Variants in NCOA1 observed in about 807,000 individuals in gnomAD.
NCOA1 encodes nuclear receptor coactivator 1.
Under a neutral mutation model 150.9 loss-of-function variants are expected in NCOA1, and 35 were observed. That is an observed-to-expected ratio of 0.23 (90% CI 0.18 to 0.31). The LOEUF (loss-of-function observed/expected upper bound fraction) is 0.31, where lower values mean the gene tolerates loss of function less well. NCOA1 is among the 10% of genes least tolerant of loss of function. NCOA1 has a pLI of 1.00. For missense variants in NCOA1, 1,491 were observed against 1,749.3 expected, an observed-to-expected ratio of 0.85 and a Z score of 2.63; for synonymous variants, 590 against 630.0, an observed-to-expected ratio of 0.94 and a Z score of 0.95.
At chr2:24,512,805 G>A (rs187581701) in intron 1 of NCOA1, among the ~76,000 whole-genome samples, 2 of 152,276 alleles carry the variant, frequency 1.3e-5, no homozygotes, top group South Asian at 2.1e-4. Context: ...GTTGTGAAAT[G>A]TGCTTTGCAC....
At chr2:24,673,282 G>C (rs1671762002) in intron 6 of NCOA1, 84 bp from the exon 7 acceptor site, 1 of 848,180 alleles carries the variant, frequency 1.2e-6, no homozygotes, top group Non-Finnish European at 1.8e-6. Context: ...TTTGAAATTT[G>C]GTGGATCTAT....
chr2:24,670,999 TAA>T (rs1671657064), intron 6 of NCOA1, among the ~76,000 whole-genome samples: 1 of 152,212 alleles, frequency 6.6e-6, no homozygotes, highest in South Asian at 2.1e-4. Flanking sequence ...CCTAGTGATA[TAA>T]GTTACGCAGA....
chr2:24,587,988 A>G (rs771169732), intron 3 of NCOA1, among the ~76,000 whole-genome samples: 1 of 152,160 alleles, frequency 6.6e-6, no homozygotes, highest in Non-Finnish European at 1.5e-5. Flanking sequence ...TCCCCTTTAC[A>G]AAATACTGTC....
chr2:24,564,025 T>C (rs141672024), intron 1 of NCOA1, among the ~76,000 whole-genome samples: 80 of 152,344 alleles, frequency 5.3e-4, no homozygotes, highest in South Asian at 2.1e-3. Flanking sequence ...CAAGCCCCAA[T>C]TGATTTCATG....
chr2:24,594,393 A>G (rs1028327270), intron 3 of NCOA1, among the ~76,000 whole-genome samples: 2 of 152,122 alleles, frequency 1.3e-5, no homozygotes, highest in African/African-American at 4.8e-5. Flanking sequence ...TGCTGTCACA[A>G]TTGGGGCAGA....
intron 14 of NCOA1, among the ~76,000 whole-genome samples, chr2:24,718,818 G>A (rs557646443): frequency 1.0e-4 from 15 of 149,990 alleles, no homozygotes; most frequent in African/African-American, 3.2e-4. Flanking sequence ...GCAGTGAGCC[G>A]AGATCGCGCC....
intron 1 of NCOA1, among the ~76,000 whole-genome samples, chr2:24,517,841 G>T (rs1270723533): frequency 6.6e-6 from 1 of 152,160 alleles, no homozygotes; most frequent in African/African-American, 2.4e-5. Context: ...CAACTAGGAA[G>T]GGAATTATTT....
At chr2:24,638,206 T>TTA (rs1238927997) in intron 3 of NCOA1, among the ~76,000 whole-genome samples, 2 of 145,442 alleles carry the variant, frequency 1.4e-5, no homozygotes, top group East Asian at 4.1e-4. Context: ...TTTTTTTTTT[T>TTA]AGCTTTCACA....
intron 3 of NCOA1, among the ~76,000 whole-genome samples, chr2:24,618,335 C>G (rs1015402643): frequency 1.3e-5 from 2 of 152,198 alleles, no homozygotes; most frequent in African/African-American, 4.8e-5. Context: ...AGCTCCCTTC[C>G]TGAAAATCCT....
intron 3 of NCOA1, among the ~76,000 whole-genome samples, chr2:24,629,929 C>T (rs942402285): frequency 2.0e-4 from 30 of 149,560 alleles, no homozygotes; most frequent in Admixed American, 1.0e-3. Context: ...CTGCAAGCTC[C>T]GCCTCCTGGG....
At chr2:24,726,510 C>A in intron 14 of NCOA1, 79 bp from the exon 15 acceptor site, 1 of 810,730 alleles carries the variant, frequency 1.2e-6, no homozygotes. Flanking sequence ...ATCTCACTCT[C>A]CAATATATTA....
intron 8 of NCOA1, among the ~76,000 whole-genome samples, chr2:24,691,029 G>A (rs1307616684): frequency 6.6e-6 from 1 of 152,114 alleles, no homozygotes; most frequent in Non-Finnish European, 1.5e-5. Context: ...TTCTTCCCCA[G>A]AAAGGTGCAC....
chr2:24,587,070 A>G (rs962785455), intron 3 of NCOA1, among the ~76,000 whole-genome samples: 2 of 151,862 alleles, frequency 1.3e-5, no homozygotes, highest in Non-Finnish European at 2.9e-5. Flanking sequence ...GCTTCATAAC[A>G]GACTGGCTTT....
intron 1 of NCOA1, among the ~76,000 whole-genome samples, 131 bp downstream of exon 1, chr2:24,491,733 A>G (rs1251047179): frequency 2.7e-5 from 4 of 150,748 alleles, no homozygotes; most frequent in Non-Finnish European, 4.4e-5. Context: ...CTCCCGCTCC[A>G]TCCTCCTCCC....
At chr2:24,672,214 A>G (rs907455277) in intron 6 of NCOA1, among the ~76,000 whole-genome samples, 3 of 152,270 alleles carry the variant, frequency 2.0e-5, no homozygotes, top group African/African-American at 7.2e-5. Flanking sequence ...CAACCTCAGA[A>G]TAATGGTTAC....
intron 1 of NCOA1, among the ~76,000 whole-genome samples, chr2:24,501,608 T>C (rs1445585608): frequency 6.6e-6 from 1 of 152,240 alleles, no homozygotes; most frequent in East Asian, 1.9e-4. Flanking sequence ...ATAAGTATAA[T>C]GGCTTCCTAT....
intron 3 of NCOA1, among the ~76,000 whole-genome samples, chr2:24,639,926 A>G (rs1361060443): frequency 0.053 from 715 of 13,388 alleles, 65 homozygotes; most frequent in African/African-American, 0.079. Context: ...GTATATATAT[A>G]TATATATATA....
At chr2:24,502,444 A>G (rs902639722) in intron 1 of NCOA1, among the ~76,000 whole-genome samples, 2 of 152,006 alleles carry the variant, frequency 1.3e-5, no homozygotes, top group African/African-American at 4.8e-5. Flanking sequence ...AAGTGGTCCC[A>G]CTCCCCAGTG....
intron 7 of NCOA1, among the ~76,000 whole-genome samples, chr2:24,677,430 T>C (rs1055344981): frequency 6.6e-6 from 1 of 152,012 alleles, no homozygotes; most frequent in African/African-American, 2.4e-5. Flanking sequence ...TTTGGTTGGT[T>C]GGTTTTGTTT....
Sources: allele counts gnomAD v4.1 joint callset (sites outside exome capture counted in the v4.1 genomes callset), GRCh38; gene constraint gnomAD v4.1.1; transcripts MANE v1.5; gene names NCBI Gene and HGNC (gene_info 2026-07-23, HGNC 2026-07-21).